The following AGBL1 variants were observed in gnomAD, a reference collection of about 807,000 sequenced individuals.
AGBL1 encodes cytosolic carboxypeptidase 4.
A neutral mutation model predicts 118.9 loss-of-function variants in AGBL1; 130 were observed. That is an observed-to-expected ratio of 1.09 (90% CI 0.95 to 1.26). The LOEUF (loss-of-function observed/expected upper bound fraction) is 1.26, where lower values mean the gene tolerates loss of function less well. AGBL1 is among the 50% of genes most tolerant of loss of function. AGBL1 has a pLI of 0.00. For missense variants in AGBL1, 1,584 were observed against 1,298.1 expected, an observed-to-expected ratio of 1.22 and a Z score of -3.38; for synonymous variants, 555 against 478.9, an observed-to-expected ratio of 1.16 and a Z score of -2.08.
At chr15:86,478,260 G>C (rs1295172687) in intron 18 of AGBL1, among the ~76,000 whole-genome samples, 2 of 152,128 alleles carry the variant, frequency 1.3e-5, no homozygotes, top group South Asian at 4.1e-4. Flanking sequence ...AGAAATAAAG[G>C]GTATTCAATT....
At chr15:86,503,994 T>G (rs570710002) in intron 18 of AGBL1, among the ~76,000 whole-genome samples, 55 of 151,764 alleles carry the variant, frequency 3.6e-4, no homozygotes, top group Non-Finnish European at 6.9e-4. Context: ...TGTGTCTAGT[T>G]GTTCTATCCA....
At chr15:86,129,934 C>G (rs1227245299) in intron 1 of AGBL1, among the ~76,000 whole-genome samples, 3 of 152,038 alleles carry the variant, frequency 2.0e-5, no homozygotes, top group African/African-American at 4.8e-5. Context: ...CCTTTACACC[C>G]CAGAGACTCC....
At chr15:86,664,079 C>T (rs533747478) in intron 21 of AGBL1, among the ~76,000 whole-genome samples, 1 of 152,164 alleles carries the variant, frequency 6.6e-6, no homozygotes, top group Non-Finnish European at 1.5e-5. Context: ...CTAGCCCACA[C>T]CTTCAACCCT....
At chr15:87,014,761 G>A (rs1162821531) in intron 24 of AGBL1, among the ~76,000 whole-genome samples, 1 of 152,092 alleles carries the variant, frequency 6.6e-6, no homozygotes, top group East Asian at 1.9e-4. Context: ...GGGAATACCT[G>A]AACAAGGAGG....
In AGBL1 at chr15:86,817,597, G is replaced by GGA. The variant is rs368552988; in HGVS notation, c.3159-89477_3159-89476dup. On this transcript the variant is annotated intron_variant, in intron 22 of 22. Transcript: ENST00000614907. Reference sequence around the variant, plus strand: ...ACAGACACACACACACACACACAGAGGAGAGAGAGAGAGAAAAAGAGACAG... The same window carrying GGA: ...ACAGACACACACACACACACACAGAGGAGAGAGAGAGAGAGAAAAAGAGACAG... Among the ~76,000 whole-genome samples the GGA allele has an allele frequency of 7.0e-3, 862 of 123,556 alleles. 17 individuals are homozygous for GGA. Among genetic ancestry groups the GGA allele is most frequent in the African/African-American group, 0.027 (810 of 29,872 alleles). The allele number at this position is 123,556 out of a possible 152,430, so 81.1% of individuals were successfully genotyped here.
chr15:86,986,318 A>T (rs989646066), intron 23 of AGBL1, among the ~76,000 whole-genome samples: 4 of 152,194 alleles, frequency 2.6e-5, no homozygotes, highest in Non-Finnish European at 5.9e-5. Flanking sequence ...AAATCAATTG[A>T]CATGTGGGTA....
chr15:86,591,454 T>C (rs1172008409), intron 21 of AGBL1, among the ~76,000 whole-genome samples: 2 of 152,328 alleles, frequency 1.3e-5, no homozygotes, highest in Middle Eastern at 3.4e-3. Context: ...CTTCCGGAAC[T>C]TCTGACCCAC....
Position 86,397,472 on chromosome 15 carries a change from G to A in AGBL1, c.2481G>A (p.Val827=). Residue 827 remains valine (V), a synonymous_variant, in exon 18 of 23, where the codon GTG becomes GTA. Coordinates refer to ENST00000614907, the MANE Select transcript of AGBL1 (RefSeq NM_001386094.1). The stretch of plus-strand genomic sequence containing the variant: ...AGTTCCTGGTCAGCAGTGACCCTGT[G>A]GCTAGGCTCTTGAGGGAAAACTTCA... The part of the protein sequence containing the change: ...TLEFLVSSDP[V]ARLLRENFIF... The A allele has an allele frequency of 6.2e-7, 1 of 1,613,146 alleles. No homozygotes were observed. Among genetic ancestry groups the A allele is most frequent in the Non-Finnish European group, 8.5e-7 (1 of 1,179,388 alleles).
At chr15:86,980,780 T>G (rs2081224267) in intron 23 of AGBL1, among the ~76,000 whole-genome samples, 1 of 151,956 alleles carries the variant, frequency 6.6e-6, no homozygotes, top group Admixed American at 6.6e-5. Context: ...ACTCAAATTA[T>G]ATATTATTTT....
intron 24 of AGBL1, among the ~76,000 whole-genome samples, chr15:86,994,667 GA>G (rs1042592314): frequency 1.1e-4 from 17 of 152,036 alleles, no homozygotes; most frequent in Admixed American, 9.2e-4. Context: ...GGTTCAGAGG[GA>G]AAAAAATGCT....
At chr15:86,810,548 T>G (rs2078773997) in intron 22 of AGBL1, among the ~76,000 whole-genome samples, 1 of 152,158 alleles carries the variant, frequency 6.6e-6, no homozygotes, top group Non-Finnish European at 1.5e-5. Context: ...GGAAATATAC[T>G]GTGGGGAATA....
At chr15:86,779,008 C>T (rs192090450) in intron 22 of AGBL1, among the ~76,000 whole-genome samples, 2 of 152,300 alleles carry the variant, frequency 1.3e-5, no homozygotes, top group East Asian at 1.9e-4. Flanking sequence ...TGGCTTCAGC[C>T]GGTCCCTCCC....
chr15:86,259,379 C>G (rs947097273), intron 9 of AGBL1, among the ~76,000 whole-genome samples: 2 of 152,104 alleles, frequency 1.3e-5, no homozygotes, highest in Non-Finnish European at 2.9e-5. Flanking sequence ...ATTTTGTTGT[C>G]TGTAAAATAA....
intron 22 of AGBL1, among the ~76,000 whole-genome samples, chr15:86,802,930 C>G (rs16978000): frequency 1.3e-5 from 2 of 152,012 alleles, no homozygotes; most frequent in Admixed American, 1.3e-4. Flanking sequence ...CTTTTCATGA[C>G]GTAAGATAGG....
At chr15:86,302,104 C>A (rs530339637) in intron 17 of AGBL1, among the ~76,000 whole-genome samples, 1 of 152,198 alleles carries the variant, frequency 6.6e-6, no homozygotes, top group South Asian at 2.1e-4. Flanking sequence ...TATCTCCTTT[C>A]TGCTTTCCAC....
chr15:86,335,638 C>T (rs556814446), intron 17 of AGBL1, among the ~76,000 whole-genome samples: 27 of 152,020 alleles, frequency 1.8e-4, no homozygotes, highest in African/African-American at 6.5e-4. Flanking sequence ...TTGGAAGAAA[C>T]CAAAGATAAA....
intron 18 of AGBL1, among the ~76,000 whole-genome samples, chr15:86,501,319 A>G (rs1039292603): frequency 6.6e-6 from 1 of 151,640 alleles, no homozygotes; most frequent in Non-Finnish European, 1.5e-5. Context: ...AGAAATGTCT[A>G]TTCAAATATT....
intron 22 of AGBL1, among the ~76,000 whole-genome samples, chr15:86,800,274 C>T (rs1338311356): frequency 6.6e-6 from 1 of 152,070 alleles, no homozygotes; most frequent in African/African-American, 2.4e-5. Flanking sequence ...AACCATGCCA[C>T]AAAACTATAA....
chr15:86,854,989 G>C (rs2079458192), intron 22 of AGBL1, among the ~76,000 whole-genome samples: 1 of 152,120 alleles, frequency 6.6e-6, no homozygotes, highest in Non-Finnish European at 1.5e-5. Flanking sequence ...CTAGTTTAGT[G>C]GCCCATCTGG....
Sources: gnomAD v4.1 joint callset for allele counts (sites outside exome capture counted in the v4.1 genomes callset) on GRCh38, gnomAD v4.1.1 for gene constraint, MANE v1.5 for transcripts, NCBI Gene and HGNC (gene_info 2026-07-23, HGNC 2026-07-21) for gene names.